PRDX3: variants seen among roughly 807,000 people sequenced by gnomAD.
The protein encoded by PRDX3 is peroxiredoxin 3, also known as thioredoxin-dependent peroxide reductase, mitochondrial.
Under a neutral mutation model 30.4 loss-of-function variants are expected in PRDX3, and 20 were observed. The observed-to-expected ratio is 0.66, with a 90% CI of 0.46 to 0.96. The LOEUF (loss-of-function observed/expected upper bound fraction) is 0.96. PRDX3 is among the 40% of genes least tolerant of loss of function. The probability of loss-of-function intolerance (pLI) is 0.00; values close to 1 mark genes in which losing one functional copy is unlikely to be tolerated. For synonymous variants in PRDX3, 124 were observed against 117.8 expected (o/e 1.05, Z -0.34); for missense variants, 322 against 318.3 (o/e 1.01, Z -0.09).
At position 119,174,483 on chromosome 10, in the gene PRDX3, T is replaced by C. The variant is rs770664489; in HGVS notation, c.279A>G (p.Lys93=). 6 of 1,606,500 alleles carry C rather than the reference T, an allele frequency of 3.7e-6. No individual in the cohort carries two copies. The highest frequency in any genetic ancestry group is 3.4e-5 in the South Asian group (3 of 89,488). Residue 93 remains lysine, a synonymous_variant, in exon 3 of 7, where the codon AAA becomes AAG. Coordinates refer to ENST00000298510, the MANE Select transcript of PRDX3 (RefSeq NM_006793.5). ...AAGGATAGAAGAAAAGCACCAAATA[T>C]TTCCCCTTAAAGTCATCAAGGCTTA... ...KDLSLDDFKG[K]YLVLFFYPLD... is the part of the protein sequence containing the mutation.
rs1287673565 is a variant in PRDX3, at chr10:119,174,555, T to C, written c.207A>G (p.Ala69=). The C allele has an allele frequency of 6.2e-7, 1 of 1,608,926 alleles. No homozygotes were observed. The highest frequency in any genetic ancestry group is 8.5e-7 in the Non-Finnish European group (1 of 1,178,728). ...SCHAPAVTQH[A]PYFKGTAVVN... ...CAACGGCTGTACCCTTAAAATAGGGTGCATGCTGGGTGACAGCAGGTGCAT... is the reference window on the plus strand; with the variant it reads ...CAACGGCTGTACCCTTAAAATAGGGCGCATGCTGGGTGACAGCAGGTGCAT... Residue 69 remains alanine (A), a synonymous_variant, in exon 3 of 7, where the codon GCA becomes GCG. Transcript: ENST00000298510.
rs761279303 is a variant in PRDX3, at chr10:119,174,595, GA to G, written c.170-4del. 1.1e-5 allele frequency: 17 copies of G among 1,575,268 alleles called. No homozygotes were observed. In the South Asian group the frequency reaches 1.3e-4, roughly 12 times the overall value. On this transcript the variant is annotated splice_region_variant and splice_polypyrimidine_tract_variant and intron_variant, in intron 2 of 6. Transcript: ENST00000298510. ...AGCAGGTGCATGGCATGAGGAACCTGAAAAAAAACCCACACTCATATGGAGT... is the reference window on the plus strand; with the variant it reads ...AGCAGGTGCATGGCATGAGGAACCTGAAAAAAACCCACACTCATATGGAGT...
chr10:119,174,677 T>C (rs1170525607), intron 2 of PRDX3, 85 bp from the exon 3 acceptor site: 2 of 1,325,506 alleles, frequency 1.5e-6, no homozygotes, highest in Non-Finnish European at 2.0e-6. Context: ...CATAATTAAT[T>C]AGTAGTATAA....
chr10:119,169,415 G>T, intron 5 of PRDX3, 73 bp from the exon 6 acceptor site: 3 of 1,256,654 alleles, frequency 2.4e-6, no homozygotes, highest in South Asian at 1.5e-5. Context: ...TTCCCTTTTA[G>T]GTCTTTAATT....
chr10:119,168,995 GTC>G (rs1358834182), intron 6 of PRDX3, among the ~76,000 whole-genome samples, 180 bp downstream of exon 6: 1 of 148,954 alleles, frequency 6.7e-6, no homozygotes, highest in African/African-American at 2.5e-5. Flanking sequence ...AGGCCTGCCT[GTC>G]TCTGATAATT....
intron 1 of PRDX3, 99 bp from the exon 2 acceptor site, chr10:119,177,252 G>A: frequency 7.8e-7 from 1 of 1,287,074 alleles, no homozygotes; most frequent in East Asian, 2.4e-5. Context: ...CCCTGTTCCT[G>A]TGAACCAAAT....
In PRDX3 at chr10:119,168,935, T is replaced by G. The variant is rs543992122; in HGVS notation, c.717+242A>C. Among the ~76,000 whole-genome samples, 4 of 146,856 alleles carry G rather than the reference T, an allele frequency of 2.7e-5. No homozygotes were observed. In the East Asian group the frequency reaches 8.0e-4, roughly 29 times the overall value. ...TTGCAGTGAGCTGAGAGAGCGCCAC[T>G]GCACTCCAGCCTGGGCGAGAGCAAG... On this transcript the variant is annotated intron_variant, in intron 6 of 6. Coordinates refer to ENST00000298510, the MANE Select transcript of PRDX3 (RefSeq NM_006793.5).
intron 6 of PRDX3, among the ~76,000 whole-genome samples, chr10:119,168,947 TG>T (rs1847833436): frequency 7.3e-6 from 1 of 136,578 alleles, no homozygotes; most frequent in Non-Finnish European, 1.5e-5. Context: ...CACTCCAGCC[TG>T]GGCGAGAGCA....
At chr10:119,173,602 T>G (rs771230501) in intron 4 of PRDX3, 135 bp downstream of exon 4, 2 of 1,012,234 alleles carry the variant, frequency 2.0e-6, no homozygotes. Flanking sequence ...AGAGTGAAGC[T>G]CCGTCTCAAA....
At chr10:119,175,371 C>T (rs1377590832) in intron 2 of PRDX3, among the ~76,000 whole-genome samples, 1 of 152,274 alleles carries the variant, frequency 6.6e-6, no homozygotes, top group South Asian at 2.1e-4. Flanking sequence ...TCCTTAAATA[C>T]TAGGCTGCTG....
intron 4 of PRDX3, among the ~76,000 whole-genome samples, chr10:119,172,718 G>C (rs1847934262): frequency 6.6e-6 from 1 of 152,126 alleles, no homozygotes; most frequent in South Asian, 2.1e-4. Flanking sequence ...CCAGGTCACA[G>C]CTAGAAAGGA....
intron 1 of PRDX3, among the ~76,000 whole-genome samples, chr10:119,177,877 T>C (rs941933575): frequency 5.2e-5 from 5 of 96,212 alleles, no homozygotes; most frequent in Non-Finnish European, 9.5e-5. Context: ...ACATGTTTAC[T>C]CAACTTTTTT....
chr10:119,177,963 C>T lies in PRDX3; in HGVS notation c.36+792G>A, dbSNP rs1848078904. Among the ~76,000 whole-genome samples, 3 of 148,964 alleles carry T rather than the reference C, an allele frequency of 2.0e-5. No homozygotes were observed. In the South Asian group the frequency reaches 6.3e-4, roughly 31 times the overall value. On this transcript the variant is annotated intron_variant, in intron 1 of 6. Transcript: ENST00000298510. ...TGGCGCGATCTCGGCTCGCTGCAGT[C>T]TCGACCTCCTGGGCTCAAGTGATCC...
intron 4 of PRDX3, among the ~76,000 whole-genome samples, chr10:119,172,774 A>AT (rs1006604663): frequency 8.7e-4 from 131 of 149,742 alleles, no homozygotes; most frequent in African/African-American, 2.8e-3. Context: ...ACCTTTTCCA[A>AT]TTTTTTTTTT....
chr10:119,169,284 G>A lies in PRDX3; in HGVS notation c.610C>T (p.Pro204Ser), dbSNP rs1400215419. ...GTTTCTTCCACGCTTCGGCCCACTG[G>A]GAGATCGTTGACGCTCAAATGCTTG... ...VIKHLSVNDLPVGRSVEETLR... is the reference protein window; with the variant it reads ...VIKHLSVNDLSVGRSVEETLR... Residue 204 changes from proline (P) to serine (S), a missense_variant, in exon 6 of 7, where the codon CCA (proline) becomes TCA (serine). Pro to Ser is a moderately conservative substitution (Grantham distance 74). Coordinates refer to ENST00000298510, the MANE Select transcript of PRDX3 (RefSeq NM_006793.5). 1.7e-5 allele frequency: 27 copies of A among 1,614,020 alleles called. No homozygotes were observed. The highest frequency in any genetic ancestry group is 2.3e-5 in the Non-Finnish European group (27 of 1,180,016).
chr10:119,177,163 G>T lies in PRDX3; in HGVS notation c.37-10C>A, dbSNP rs768191462. ...TCACATGTCGGGCAACCTGGAAAGA[G>T]AAACTTTTTATTAGAAAGTTTTCCT... On this transcript the variant is annotated splice_polypyrimidine_tract_variant and intron_variant, in intron 1 of 6. Transcript: ENST00000298510. 6.2e-7 allele frequency: 1 copy of T among 1,612,376 alleles called. No homozygotes were observed. The highest frequency in any genetic ancestry group is 8.5e-7 in the Non-Finnish European group (1 of 1,179,752).
chr10:119,177,183 T>A (rs1257929835), intron 1 of PRDX3, 30 bp from the exon 2 acceptor site: 1 of 1,610,390 alleles, frequency 6.2e-7, no homozygotes, highest in South Asian at 1.1e-5. Flanking sequence ...ATTAGAAAGT[T>A]TTCCTGGACT....
chr10:119,168,606 T>C (rs1403449389), intron 6 of PRDX3, 73 bp from the exon 7 acceptor site: 1 of 1,575,032 alleles, frequency 6.3e-7, no homozygotes, highest in Non-Finnish European at 8.6e-7. Flanking sequence ...AGTGGCAATC[T>C]CCCAATTTTT....
intron 2 of PRDX3, among the ~76,000 whole-genome samples, chr10:119,175,783 A>AT (rs35370028): frequency 0.96 from 137,230 of 143,392 alleles, 65,747 homozygotes; most frequent in Non-Finnish European, 0.99. Flanking sequence ...GGTTTCAGTG[A>AT]TTTTTTTTTT....
Sources: gnomAD v4.1 joint callset for allele counts (sites outside exome capture counted in the v4.1 genomes callset) on GRCh38, gnomAD v4.1.1 for gene constraint, MANE v1.5 for transcripts, NCBI Gene and HGNC (gene_info 2026-07-23, HGNC 2026-07-21) for gene names.